Variants in ELMOD3 observed in about 807,000 individuals in gnomAD.
The protein encoded by ELMOD3 is ELMO domain containing 3, also known as ELMO domain-containing protein 3.
Under a neutral mutation model 47.4 loss-of-function variants are expected in ELMOD3, and 36 were observed. That is an observed-to-expected ratio of 0.76 (90% CI 0.58 to 1.00). The LOEUF is 1.00. Among genes scored for constraint, ELMOD3 ranks in the 50% least tolerant of loss-of-function variants. The probability of loss-of-function intolerance (pLI) is 0.00; values close to 1 mark genes in which losing one functional copy is unlikely to be tolerated. For missense variants in ELMOD3, 404 were observed against 463.8 expected (o/e 0.87, Z 1.18); for synonymous variants, 149 against 183.5 (o/e 0.81, Z 1.52).
At chr2:85,381,622 GATTA>G (rs1343846052) in intron 11 of ELMOD3, among the ~76,000 whole-genome samples, 2 of 152,188 alleles carry the variant, frequency 1.3e-5, no homozygotes, top group Admixed American at 1.3e-4. Flanking sequence ...TGACATTCAT[GATTA>G]ATTTATAAAG....
In ELMOD3 at chr2:85,390,789, C is replaced by T. The variant is rs755274202; in HGVS notation, c.973C>T (p.Arg325Trp). The change falls in exon 14 of 14, where the codon CGG becomes TGG. Residue 325 changes from arginine to tryptophan, a missense_variant. Arg to Trp is a moderately radical substitution (Grantham distance 101, BLOSUM62 -3). Coordinates refer to ENST00000409013, the MANE Select transcript of ELMOD3 (RefSeq NM_001135022.2). ...ELEVLAKKSPRRLLKTLELYL... is the reference protein window; with the variant it reads ...ELEVLAKKSPWRLLKTLELYL... ...GGAAGTATTGGCCAAGAAGAGCCCA[C>T]GGCGGCTGCTCAAGACCCTGGAGCT... 94 of 1,551,390 alleles carry T rather than the reference C, an allele frequency of 6.1e-5. No homozygotes were observed. Among genetic ancestry groups the T allele is most frequent in the Middle Eastern group, 1.7e-4 (1 of 5,906 alleles).
At chr2:85,375,626 C>T (rs184495850) in intron 10 of ELMOD3, among the ~76,000 whole-genome samples, 89 of 152,298 alleles carry the variant, frequency 5.8e-4, no homozygotes, top group African/African-American at 2.1e-3. Context: ...TTACCAAAGG[C>T]ATTTTATGGT....
In ELMOD3 at chr2:85,376,303, T is replaced by A. The variant is rs1685164505; in HGVS notation, c.608-1041T>A. 6.6e-6 allele frequency among the ~76,000 whole-genome samples: 1 copy of A among 152,176 alleles called. No individual in the cohort carries two copies. The highest frequency in any genetic ancestry group is 2.4e-5 in the African/African-American group (1 of 41,434). ...TGGGTAGTCTGTATGAGACTCTGGATCTTACTTAAATCTTCTACTTTAGCA... is the reference window on the plus strand; with the variant it reads ...TGGGTAGTCTGTATGAGACTCTGGAACTTACTTAAATCTTCTACTTTAGCA... On this transcript the variant is annotated intron_variant, in intron 10 of 13. Coordinates refer to ENST00000409013, the MANE Select transcript of ELMOD3 (RefSeq NM_001135022.2). This position sits in a 1 kb window ranked among gnomAD's most constrained non-coding sequence, Gnocchi z 4.2.
At chr2:85,359,983 G>A (rs1186330615) in intron 4 of ELMOD3, among the ~76,000 whole-genome samples, 1 of 151,966 alleles carries the variant, frequency 6.6e-6, no homozygotes, top group Non-Finnish European at 1.5e-5. Context: ...TGAGGTGGGA[G>A]AATCCCTTGA....
At chr2:85,358,893 T>C (rs755394595) in intron 4 of ELMOD3, among the ~76,000 whole-genome samples, 14 of 152,194 alleles carry the variant, frequency 9.2e-5, no homozygotes, top group Non-Finnish European at 1.5e-4. Flanking sequence ...ACTGTGAAAA[T>C]GGTCTCTGCA....
intron 11 of ELMOD3, among the ~76,000 whole-genome samples, chr2:85,388,436 C>CT (rs1686086515): frequency 6.6e-6 from 1 of 152,182 alleles, no homozygotes; most frequent in African/African-American, 2.4e-5. Flanking sequence ...GCTGTGTTAA[C>CT]TTTTTTCTGC....
At chr2:85,386,712 C>T (rs1179890395) in intron 11 of ELMOD3, among the ~76,000 whole-genome samples, 1 of 150,872 alleles carries the variant, frequency 6.6e-6, no homozygotes, top group Non-Finnish European at 1.5e-5. Flanking sequence ...AGAATGTTCC[C>T]GGGCTGGGTG....
At chr2:85,368,097 A>T (rs1334578160) in intron 6 of ELMOD3, among the ~76,000 whole-genome samples, 1 of 152,080 alleles carries the variant, frequency 6.6e-6, no homozygotes, top group Non-Finnish European at 1.5e-5. Context: ...TTTTTAGTAG[A>T]GACGGGGTTT....
At chr2:85,377,865 G>A (rs1034773056) in intron 11 of ELMOD3, among the ~76,000 whole-genome samples, 2 of 152,160 alleles carry the variant, frequency 1.3e-5, no homozygotes, top group Non-Finnish European at 2.9e-5. Context: ...TTTATAACTT[G>A]ACCCATATAC....
intron 12 of ELMOD3, 104 bp from the exon 13 acceptor site, chr2:85,390,034 G>A: frequency 1.6e-6 from 2 of 1,274,150 alleles, no homozygotes; most frequent in Non-Finnish European, 2.3e-6. Context: ...GGCATCCTGG[G>A]TTTGGGCTGG....
At chr2:85,389,715 T>C (rs985377220) in intron 11 of ELMOD3, 36 bp from the exon 12 acceptor site, 1 of 1,588,326 alleles carries the variant, frequency 6.3e-7, no homozygotes, top group Non-Finnish European at 8.6e-7. Flanking sequence ...CAGTGAGAGC[T>C]GGAGTTGCTG....
Position 85,362,202 on chromosome 2 carries a change from C to T in ELMOD3, c.71C>T (p.Ala24Val). The T allele has an allele frequency of 6.3e-7, 1 of 1,599,862 alleles. No individual in the cohort carries two copies. The highest frequency in any genetic ancestry group is 8.6e-7 in the Non-Finnish European group (1 of 1,167,052). ...GTTTTACAGGGTGAAAGATTGTCTG[C>T]TGGATATTCTCCATCATATGACAAG... ...LRDGQGERLSAGYSPSYDKDK... is the reference protein window; with the variant it reads ...LRDGQGERLSVGYSPSYDKDK... Residue 24 changes from alanine to valine, a missense_variant, in exon 5 of 14, where the codon GCT (alanine) becomes GTT (valine). Coordinates refer to ENST00000409013, the MANE Select transcript of ELMOD3 (RefSeq NM_001135022.2).
chr2:85,368,971 G>A (rs1684595117), intron 7 of ELMOD3, among the ~76,000 whole-genome samples: 1 of 152,194 alleles, frequency 6.6e-6, no homozygotes, highest in Non-Finnish European at 1.5e-5. Context: ...CATGGAGAAA[G>A]GGCTGCCATC....
At position 85,389,787 on chromosome 2, in the gene ELMOD3, C is replaced by T. The variant is rs1686194278; in HGVS notation, c.775C>T (p.His259Tyr). 1 of 1,614,140 alleles carries T rather than the reference C, an allele frequency of 6.2e-7. No individual in the cohort carries two copies. Among genetic ancestry groups the T allele is most frequent in the South Asian group, 1.1e-5 (1 of 91,080 alleles). Reference protein sequence around the residue: ...PFCLMSVNITHIAIQALREEC... With the variant: ...PFCLMSVNITYIAIQALREEC... ...CTGTTTGATGTCCGTGAACATCACC[C>T]ACATTGCCATCCAGGCCTTGAGAGA... The change falls in exon 12 of 14, where the codon CAC becomes TAC. Residue 259 changes from histidine (H) to tyrosine (Y), a missense_variant. Transcript: ENST00000409013.
intron 11 of ELMOD3, among the ~76,000 whole-genome samples, chr2:85,386,309 C>T (rs1685914582): frequency 6.7e-6 from 1 of 149,784 alleles, no homozygotes; most frequent in Non-Finnish European, 1.5e-5. Context: ...CTTTTTAGGT[C>T]TGAGGGAACT....
chr2:85,363,502 C>T (rs765794233), intron 6 of ELMOD3, among the ~76,000 whole-genome samples: 7 of 152,180 alleles, frequency 4.6e-5, no homozygotes, highest in African/African-American at 9.7e-5. Context: ...CTTTGCAAGG[C>T]GCTTCCCCAT....
At position 85,391,157 on chromosome 2, in the gene ELMOD3, C is replaced by G. The variant is rs1045351356; in HGVS notation, c.*195C>G. ...CATGAGGGGCAGCTAGACTTCACCC[C>G]CTTCCCGCAGACCTGCCTCCAGAGC... On this transcript the variant is annotated 3_prime_UTR_variant, in exon 14 of 14. Transcript: ENST00000409013. 10 of 594,262 alleles carry G rather than the reference C, an allele frequency of 1.7e-5. No individual in the cohort carries two copies. Among genetic ancestry groups the G allele is most frequent in the Admixed American group, 6.1e-5 (2 of 32,752 alleles). The allele number at this position is 594,262 out of a possible 1,614,324, so 36.8% of individuals were successfully genotyped here.
intron 10 of ELMOD3, among the ~76,000 whole-genome samples, chr2:85,375,739 C>G (rs576686846): frequency 2.6e-5 from 4 of 152,356 alleles, no homozygotes; most frequent in African/African-American, 2.4e-5. Context: ...GTTCAGAAGT[C>G]TGACTCAGGT....
chr2:85,379,349 GGCACATGCCACCACGT>G (rs1378086914), intron 11 of ELMOD3, among the ~76,000 whole-genome samples: 1 of 152,160 alleles, frequency 6.6e-6, no homozygotes, highest in East Asian at 1.9e-4. Context: ...TGGGATTATA[GGCACATGCCACCACGT>G]CCGGCTAATT....
Sources: gnomAD v4.1 joint callset for allele counts (sites outside exome capture counted in the v4.1 genomes callset) on GRCh38, gnomAD v4.1.1 for gene constraint, Gnocchi (gnomAD v3.1) non-coding constraint, MANE v1.5 for transcripts, NCBI Gene and HGNC (gene_info 2026-07-23, HGNC 2026-07-21) for gene names.